The following GRB14 variants were observed in gnomAD, a reference collection of about 807,000 sequenced individuals.
The protein encoded by GRB14 is growth factor receptor-bound protein 14.
A neutral mutation model predicts 69.1 loss-of-function variants in GRB14; 38 were observed. The observed-to-expected ratio is 0.55, with a 90% CI of 0.42 to 0.72. The LOEUF is 0.72. Among genes scored for constraint, GRB14 ranks in the 30% least tolerant of loss-of-function variants. The pLI is 0.00. For missense variants in GRB14, 666 were observed against 666.1 expected (o/e 1.00, Z 0.00); for synonymous variants, 247 against 241.3 (o/e 1.02, Z -0.22).
intron 2 of GRB14, among the ~76,000 whole-genome samples, chr2:164,579,530 C>T (rs1689341993): frequency 6.6e-6 from 1 of 151,510 alleles, no homozygotes; most frequent in African/African-American, 2.4e-5. Context: ...CACACACACA[C>T]ACACACACTT....
intron 3 of GRB14, among the ~76,000 whole-genome samples, chr2:164,541,851 C>T (rs1289769818): frequency 2.0e-5 from 3 of 152,228 alleles, no homozygotes; most frequent in Non-Finnish European, 4.4e-5. Flanking sequence ...TTCAACCCTT[C>T]CTCCCACCTC....
chr2:164,619,786 C>T lies in GRB14; in HGVS notation c.225G>A (p.Met75Ile), dbSNP rs541103423. The change falls in exon 2 of 14, where the codon ATG becomes ATA. Residue 75 changes from methionine (M) to isoleucine (I), a missense_variant. Coordinates refer to ENST00000263915, the MANE Select transcript of GRB14 (RefSeq NM_004490.3). ...RKKKDLDVPE[M>I]PSIPNPFPEL... is the part of the protein sequence containing the mutation. Reference sequence around the variant, plus strand: ...CAGGAAAAGGGTTTGGAATAGATGGCATTTCCGGAACATCAAGATCTTTCT... The same window carrying T: ...CAGGAAAAGGGTTTGGAATAGATGGTATTTCCGGAACATCAAGATCTTTCT... 2 of 1,610,942 alleles carry T rather than the reference C, an allele frequency of 1.2e-6. No homozygotes were observed. Among genetic ancestry groups the T allele is most frequent in the South Asian group, 1.1e-5 (1 of 90,756 alleles).
chr2:164,595,936 C>T (rs968244916), intron 2 of GRB14, among the ~76,000 whole-genome samples: 14 of 152,034 alleles, frequency 9.2e-5, no homozygotes, highest in African/African-American at 1.7e-4. Context: ...CCATCCTGGC[C>T]AACATGGTGA....
At chr2:164,616,425 C>CAAAAA (rs34263597) in intron 2 of GRB14, among the ~76,000 whole-genome samples, 99 of 66,602 alleles carry the variant, frequency 1.5e-3, no homozygotes, top group East Asian at 2.4e-3. Flanking sequence ...GACTCCGTCT[C>CAAAAA]AAAAAAAAAA....
At chr2:164,554,461 G>A (rs1384576518) in intron 2 of GRB14, among the ~76,000 whole-genome samples, 2 of 152,096 alleles carry the variant, frequency 1.3e-5, no homozygotes, top group African/African-American at 2.4e-5. Flanking sequence ...TCCATCAAAG[G>A]ATTGAAAGTT....
intron 6 of GRB14, among the ~76,000 whole-genome samples, chr2:164,520,415 CA>C (rs1460263437): frequency 6.6e-6 from 1 of 152,016 alleles, no homozygotes; most frequent in Non-Finnish European, 1.5e-5. Flanking sequence ...TAGAAGATAA[CA>C]TCAGAAAAAC....
At chr2:164,612,507 G>C (rs1182456528) in intron 2 of GRB14, among the ~76,000 whole-genome samples, 1 of 152,106 alleles carries the variant, frequency 6.6e-6, no homozygotes, top group Admixed American at 6.6e-5. Context: ...AAAGACTTGT[G>C]GCCATTCTCT....
intron 2 of GRB14, among the ~76,000 whole-genome samples, chr2:164,591,367 T>C (rs1262418692): frequency 2.6e-5 from 4 of 152,180 alleles, no homozygotes; most frequent in African/African-American, 9.7e-5. Context: ...GAAAAATTGC[T>C]ATTCTCTTTC....
chr2:164,613,055 C>T (rs1200469903), intron 2 of GRB14, among the ~76,000 whole-genome samples: 4 of 152,132 alleles, frequency 2.6e-5, no homozygotes, highest in South Asian at 2.1e-4. Context: ...CTCAGTAAGA[C>T]GTAAGCTCAG....
intron 2 of GRB14, among the ~76,000 whole-genome samples, chr2:164,558,865 T>C (rs1688750165): frequency 6.6e-6 from 1 of 152,210 alleles, no homozygotes; most frequent in Non-Finnish European, 1.5e-5. Flanking sequence ...AGAAAGATAC[T>C]GTTTGCTAGA....
chr2:164,519,288 A>T (rs1320326716), intron 6 of GRB14, among the ~76,000 whole-genome samples: 1 of 152,072 alleles, frequency 6.6e-6, no homozygotes, highest in Admixed American at 6.5e-5. Context: ...TCATCTCAAT[A>T]GCGTTAGTCA....
At chr2:164,554,501 T>C (rs959783131) in intron 2 of GRB14, among the ~76,000 whole-genome samples, 1 of 152,126 alleles carries the variant, frequency 6.6e-6, no homozygotes, top group East Asian at 1.9e-4. Flanking sequence ...GCACTGATAA[T>C]GTTTATCTAT....
chr2:164,542,593 A>C (rs1037792197), intron 3 of GRB14, among the ~76,000 whole-genome samples: 2 of 152,180 alleles, frequency 1.3e-5, no homozygotes, highest in African/African-American at 4.8e-5. Context: ...GACACGAATC[A>C]ACACTTCTTG....
At chr2:164,507,957 G>A (rs1026917163) in intron 8 of GRB14, among the ~76,000 whole-genome samples, 3 of 152,264 alleles carry the variant, frequency 2.0e-5, no homozygotes, top group Non-Finnish European at 4.4e-5. Context: ...TACTTAGCAC[G>A]AGAGTAGATG....
intron 2 of GRB14, among the ~76,000 whole-genome samples, chr2:164,604,995 G>C (rs756747477): frequency 4.6e-5 from 7 of 152,194 alleles, no homozygotes; most frequent in Non-Finnish European, 5.9e-5. Context: ...GTAAATGCCA[G>C]TAAATTGTAG....
intron 2 of GRB14, among the ~76,000 whole-genome samples, chr2:164,599,776 C>T (rs1237992115): frequency 2.0e-5 from 3 of 152,148 alleles, no homozygotes; most frequent in African/African-American, 4.8e-5. Context: ...TAAAATATTA[C>T]ACAACAAATC....
chr2:164,557,532 A>AG (rs1040607123), intron 2 of GRB14, among the ~76,000 whole-genome samples: 1 of 152,224 alleles, frequency 6.6e-6, no homozygotes, highest in Non-Finnish European at 1.5e-5. Flanking sequence ...CACTTAGGAA[A>AG]GGGTTCAGCT....
At chr2:164,546,974 G>T (rs927716087) in intron 3 of GRB14, among the ~76,000 whole-genome samples, 19 of 152,154 alleles carry the variant, frequency 1.2e-4, no homozygotes, top group African/African-American at 4.6e-4. Context: ...TTTGGAAAGT[G>T]CAGTGCTCTG....
chr2:164,553,338 G>A (rs1011401104), intron 2 of GRB14, among the ~76,000 whole-genome samples: 1 of 152,146 alleles, frequency 6.6e-6, no homozygotes, highest in East Asian at 1.9e-4. Flanking sequence ...GAATTGAGAT[G>A]CACAAATTTA....
Sources: gnomAD v4.1 joint callset for allele counts (sites outside exome capture counted in the v4.1 genomes callset) on GRCh38, gnomAD v4.1.1 for gene constraint, MANE v1.5 for transcripts, NCBI Gene and HGNC (gene_info 2026-07-23, HGNC 2026-07-21) for gene names.